LRRC63: variants seen among roughly 807,000 people sequenced by gnomAD.
LRRC63 encodes leucine-rich repeat-containing protein 63.
LRRC63 carries 40 observed loss-of-function variants against 49.5 expected under a neutral mutation model. That is an observed-to-expected ratio of 0.81 (90% CI 0.63 to 1.05). The LOEUF (loss-of-function observed/expected upper bound fraction) is 1.05, where lower values mean the gene tolerates loss of function less well. Ranked by LOEUF, LRRC63 falls within the 50% of genes least tolerant of loss-of-function variation. The pLI is 0.00. For missense variants in LRRC63, 636 were observed against 663.1 expected, an observed-to-expected ratio of 0.96 and a Z score of 0.45; for synonymous variants, 191 against 221.1, an observed-to-expected ratio of 0.86 and a Z score of 1.21.
rs2047660936 is a variant in LRRC63, at chr13:46,264,820, C to T, written c.1311-1913C>T. ...AAGCTTCTCTGCACCTCAGGGTGCT[C>T]AGCTGCCAAGGCAGTCTCAACACAG... On this transcript the variant is annotated intron_variant, in intron 8 of 9. Transcript: ENST00000595396. Among the ~76,000 whole-genome samples, 6 of 152,182 alleles carry T rather than the reference C, an allele frequency of 3.9e-5. No homozygotes were observed. In the South Asian group the frequency reaches 1.0e-3, roughly 26 times the overall value.
At chr13:46,231,142 T>G (rs1476752358) in intron 4 of LRRC63, among the ~76,000 whole-genome samples, 2 of 152,230 alleles carry the variant, frequency 1.3e-5, no homozygotes, top group Non-Finnish European at 2.9e-5. Context: ...AAACTTTCCC[T>G]CATCATCCTG....
exon 10 of LRRC63, chr13:46,276,955 T>C (rs2047851802): frequency 6.3e-6 from 1 of 157,526 alleles, no homozygotes; most frequent in South Asian, 2.1e-4. Context: ...TCTTTGAAAG[T>C]AGAGGTTCTG....
chr13:46,228,448 G>A (rs560554734), intron 3 of LRRC63, among the ~76,000 whole-genome samples: 1 of 152,318 alleles, frequency 6.6e-6, no homozygotes, highest in East Asian at 1.9e-4. Flanking sequence ...GATCGGAAAA[G>A]CTAATATAAA....
chr13:46,250,544 A>T (rs2047350399), intron 7 of LRRC63, 53 bp downstream of exon 7: 1 of 1,392,460 alleles, frequency 7.2e-7, no homozygotes, highest in Non-Finnish European at 9.6e-7. Context: ...ATAATTTCGA[A>T]AAAGATCAAT....
chr13:46,236,967 G>T lies in LRRC63; in HGVS notation c.990+2618G>T, dbSNP rs771141206. 4.9e-4 allele frequency among the ~76,000 whole-genome samples: 75 copies of T among 152,082 alleles called. 1 individual carries two copies. The highest frequency in any genetic ancestry group is 4.9e-3 in the Admixed American group (75 of 15,272). ...TTTGTGTGCCATTGGAGTTAATTTGGTATCAATCCAAACTACATTGTTGTA... is the reference window on the plus strand; with the variant it reads ...TTTGTGTGCCATTGGAGTTAATTTGTTATCAATCCAAACTACATTGTTGTA... On this transcript the variant is annotated intron_variant, in intron 5 of 9. Transcript: ENST00000595396.
chr13:46,274,280 C>T (rs879812959), intron 9 of LRRC63, among the ~76,000 whole-genome samples: 17 of 152,122 alleles, frequency 1.1e-4, no homozygotes, highest in Non-Finnish European at 1.6e-4. Flanking sequence ...TCAATCTCAT[C>T]AAAGATGACT....
intron 7 of LRRC63, among the ~76,000 whole-genome samples, chr13:46,251,308 G>T (rs1352951034): frequency 2.6e-5 from 4 of 151,636 alleles, no homozygotes; most frequent in African/African-American, 7.3e-5. Context: ...AAAAGAATAA[G>T]AAATTATATT....
At chr13:46,237,622 A>C (rs1204945098) in intron 5 of LRRC63, among the ~76,000 whole-genome samples, 1 of 152,140 alleles carries the variant, frequency 6.6e-6, no homozygotes, top group Non-Finnish European at 1.5e-5. Flanking sequence ...TGAAATAGAG[A>C]ATAGAAAAAC....
intron 5 of LRRC63, among the ~76,000 whole-genome samples, chr13:46,242,107 A>G (rs1483141019): frequency 2.0e-5 from 3 of 152,236 alleles, no homozygotes; most frequent in Admixed American, 6.5e-5. Context: ...AATGTGGTAC[A>G]TATACACCAT....
intron 9 of LRRC63, among the ~76,000 whole-genome samples, chr13:46,269,482 A>T (rs184370832): frequency 6.6e-6 from 1 of 152,168 alleles, no homozygotes; most frequent in Admixed American, 6.5e-5. Context: ...AAACAATAAA[A>T]TCAGATTCCA....
intron 2 of LRRC63, among the ~76,000 whole-genome samples, chr13:46,217,062 A>G (rs1184696425): frequency 6.6e-6 from 1 of 152,158 alleles, no homozygotes; most frequent in Non-Finnish European, 1.5e-5. Flanking sequence ...TATTGGCCTG[A>G]AATTTTCCTT....
exon 3 of LRRC63, chr13:46,227,882 T>G: frequency 6.4e-7 from 1 of 1,550,572 alleles, no homozygotes; most frequent in Non-Finnish European, 8.7e-7. Flanking sequence ...TTTTAATTCT[T>G]TCTTCCAAGT....
chr13:46,270,209 A>G, intron 9 of LRRC63: 1 of 839,674 alleles, frequency 1.2e-6, no homozygotes, highest in South Asian at 1.3e-5. Context: ...CTCTAACCGA[A>G]TATGTGTCAT....
intron 7 of LRRC63, among the ~76,000 whole-genome samples, chr13:46,260,650 G>A (rs1020431540): frequency 6.6e-6 from 1 of 152,206 alleles, no homozygotes; most frequent in Non-Finnish European, 1.5e-5. Context: ...GGAAGAGTTT[G>A]TTGGAAGAGA....
chr13:46,223,319 T>G (rs561014588), intron 2 of LRRC63, among the ~76,000 whole-genome samples: 10 of 152,272 alleles, frequency 6.6e-5, no homozygotes, highest in African/African-American at 2.2e-4. Context: ...TATGTGACTT[T>G]ATTTCAGGAT....
At chr13:46,219,742 C>T (rs1566467983) in intron 2 of LRRC63, among the ~76,000 whole-genome samples, 1 of 152,210 alleles carries the variant, frequency 6.6e-6, no homozygotes, top group Non-Finnish European at 1.5e-5. Context: ...GTGGATTTAT[C>T]TACCTTTGGT....
chr13:46,234,948 CAT>C lies in LRRC63; in HGVS notation c.990+601_990+602del, dbSNP rs556009727. ...TTTTATTTTGAAATAAGTTCTAACTCATAGAAAAGTTGTAAAAATAGGAAAAG... is the reference window on the plus strand; with the variant it reads ...TTTTATTTTGAAATAAGTTCTAACTCAGAAAAGTTGTAAAAATAGGAAAAG... On this transcript the variant is annotated intron_variant, in intron 5 of 9. Transcript: ENST00000595396. 8.2e-4 allele frequency among the ~76,000 whole-genome samples: 125 copies of C among 151,970 alleles called. 2 individuals are homozygous for C. In the South Asian group the frequency reaches 8.7e-3, roughly 11 times the overall value.
intron 6 of LRRC63, among the ~76,000 whole-genome samples, chr13:46,248,585 A>G (rs2047284527): frequency 6.6e-6 from 1 of 152,034 alleles, no homozygotes. Flanking sequence ...AGATAATAGA[A>G]CTTTATAAAC....
intron 6 of LRRC63, among the ~76,000 whole-genome samples, chr13:46,247,641 T>C (rs199668148): frequency 6.6e-6 from 1 of 152,074 alleles, no homozygotes; most frequent in Non-Finnish European, 1.5e-5. Context: ...AGAGAGGCTG[T>C]TTTGGGGACA....
Sources: allele counts gnomAD v4.1 joint callset (sites outside exome capture counted in the v4.1 genomes callset), GRCh38; gene constraint gnomAD v4.1.1; transcripts MANE v1.5; gene names NCBI Gene and HGNC (gene_info 2026-07-23, HGNC 2026-07-21).